The following PARVA variants were observed in gnomAD, a reference collection of about 807,000 sequenced individuals.
The protein encoded by PARVA is alpha-parvin.
Under a neutral mutation model 52.6 loss-of-function variants are expected in PARVA, and 25 were observed. That is an observed-to-expected ratio of 0.48 (90% CI 0.35 to 0.66). PARVA has a LOEUF of 0.66. PARVA is among the 30% of genes least tolerant of loss of function. The pLI, the probability that PARVA is intolerant of heterozygous loss-of-function variation, is 0.01. For missense variants in PARVA, 373 were observed against 450.9 expected (o/e 0.83, Z 1.56); for synonymous variants, 185 against 179.1 (o/e 1.03, Z -0.26).
chr11:12,525,293 A>G (rs998175195), intron 12 of PARVA, among the ~76,000 whole-genome samples: 4 of 152,168 alleles, frequency 2.6e-5, no homozygotes, highest in Non-Finnish European at 5.9e-5. Flanking sequence ...AGTCCATGAC[A>G]GTGGTGCCCT....
chr11:12,446,465 C>T (rs555619935), intron 1 of PARVA, among the ~76,000 whole-genome samples: 1 of 152,196 alleles, frequency 6.6e-6, no homozygotes, highest in East Asian at 1.9e-4. Flanking sequence ...CAAATCAGTC[C>T]TCCACTCTGA....
chr11:12,436,369 G>A (rs1414937495), intron 1 of PARVA, among the ~76,000 whole-genome samples: 2 of 152,072 alleles, frequency 1.3e-5, no homozygotes, highest in East Asian at 1.9e-4. Context: ...CTCAGACTAC[G>A]GAAACTACAC....
chr11:12,420,849 C>G (rs1334230931), intron 1 of PARVA, among the ~76,000 whole-genome samples: 2 of 152,062 alleles, frequency 1.3e-5, no homozygotes, highest in African/African-American at 4.8e-5. Context: ...TAGTAAATGG[C>G]ATAACTAGCA....
chr11:12,507,684 T>C (rs1218808844), intron 6 of PARVA, among the ~76,000 whole-genome samples: 1 of 152,190 alleles, frequency 6.6e-6, no homozygotes, highest in East Asian at 1.9e-4. Context: ...CATTCAGCAC[T>C]TTCTGCCGAG....
intron 4 of PARVA, among the ~76,000 whole-genome samples, chr11:12,493,290 A>T (rs1941255040): frequency 6.6e-6 from 1 of 151,406 alleles, no homozygotes; most frequent in Admixed American, 6.6e-5. Flanking sequence ...CGGGAGGCAG[A>T]GGTTGCAGTA....
intron 1 of PARVA, among the ~76,000 whole-genome samples, chr11:12,430,885 C>CCACAACAACAAAGAGACA (rs1940306966): frequency 6.6e-6 from 1 of 152,176 alleles, no homozygotes; most frequent in East Asian, 1.9e-4. Context: ...CTCAACCATG[C>CCACAACAACAAAGAGACA]CACAACAACA....
intron 10 of PARVA, 148 bp downstream of exon 10, chr11:12,514,213 GTC>G (rs1336643842): frequency 1.3e-5 from 8 of 621,744 alleles, no homozygotes; most frequent in African/African-American, 1.1e-4. Flanking sequence ...GGTGGACTGA[GTC>G]TCTGTGGATT....
At chr11:12,463,105 T>A (rs1259234962) in intron 1 of PARVA, among the ~76,000 whole-genome samples, 3 of 152,162 alleles carry the variant, frequency 2.0e-5, no homozygotes, top group Non-Finnish European at 4.4e-5. Context: ...AGTTTTCGTA[T>A]ATCCCACGCC....
chr11:12,474,042 C>A, intron 3 of PARVA, 59 bp downstream of exon 3: 1 of 1,341,896 alleles, frequency 7.5e-7, no homozygotes, highest in Non-Finnish European at 1.0e-6. Context: ...TGTCCATATG[C>A]CACCTGCTCT....
At chr11:12,416,025 G>C (rs1250187533) in intron 1 of PARVA, among the ~76,000 whole-genome samples, 1 of 152,294 alleles carries the variant, frequency 6.6e-6, no homozygotes, top group Non-Finnish European at 1.5e-5. Flanking sequence ...ACCTCCATTT[G>C]TTTTCCCTTT....
chr11:12,476,196 T>C (rs1166694029), intron 3 of PARVA, among the ~76,000 whole-genome samples: 1 of 152,138 alleles, frequency 6.6e-6, no homozygotes, highest in African/African-American at 2.4e-5. Flanking sequence ...GGATTGGAGA[T>C]GCACATAGGC....
At chr11:12,474,951 C>CAAAA (rs373253926) in intron 3 of PARVA, among the ~76,000 whole-genome samples, 1 of 126,844 alleles carries the variant, frequency 7.9e-6, no homozygotes, top group African/African-American at 2.9e-5. Flanking sequence ...GACCCTGTCT[C>CAAAA]AAAAAAAAAA....
At chr11:12,513,196 T>TTGACCTTG in intron 8 of PARVA, 103 bp from the exon 9 acceptor site, 1 of 902,952 alleles carries the variant, frequency 1.1e-6, no homozygotes, top group East Asian at 2.4e-5. Context: ...CCATCGGTAG[T>TTGACCTTG]TGACCTTGTG....
chr11:12,377,826 G>A, intron 1 of PARVA, 43 bp downstream of exon 1: 3 of 1,433,490 alleles, frequency 2.1e-6, no homozygotes, highest in South Asian at 1.4e-5. Context: ...AGGAGCCGGG[G>A]GTGCCGTAGG....
In PARVA at chr11:12,526,656, C is replaced by T. The variant is rs184593090; in HGVS notation, c.1043-1193C>T. 2.0e-5 allele frequency among the ~76,000 whole-genome samples: 3 copies of T among 152,286 alleles called. No individual in the cohort carries two copies. The East Asian group carries it at 5.8e-4, about 29-fold the overall frequency. On this transcript the variant is annotated intron_variant, in intron 12 of 12. Coordinates refer to ENST00000334956, the MANE Select transcript of PARVA (RefSeq NM_018222.5). Reference sequence around the variant, plus strand: ...TTTTGAACATAACCTCTCCCTTCTCCCTAAAGGTAACCACTATTCTGAGTC... The same window carrying T: ...TTTTGAACATAACCTCTCCCTTCTCTCTAAAGGTAACCACTATTCTGAGTC...
At chr11:12,513,792 T>C (rs985413562) in intron 9 of PARVA, 36 of 602,392 alleles carry the variant, frequency 6.0e-5, no homozygotes, top group Non-Finnish European at 9.5e-5. Flanking sequence ...CGCCCTGAGT[T>C]GTATGGGACT....
Position 12,377,738 on chromosome 11 carries a change from G to A in PARVA, c.91G>A (p.Gly31Arg), listed in dbSNP as rs1939417706. The A allele has an allele frequency of 1.3e-6, 2 of 1,556,628 alleles. No homozygotes were observed. The highest frequency in any genetic ancestry group is 1.7e-6 in the Non-Finnish European group (2 of 1,156,660). The change falls in exon 1 of 13, where the codon GGG (glycine) becomes AGG (arginine). Residue 31 changes from glycine (G) to arginine (R), a missense_variant. Transcript: ENST00000334956. ...CCGCAAGAAAGATGATTCCTTCTTG[G>A]GGAAACTCGGAGGGACCCTGGCCCG... The part of the protein sequence containing the change: ...PSRKKDDSFL[G>R]KLGGTLARRK...
At chr11:12,397,750 C>T (rs553965396) in intron 1 of PARVA, among the ~76,000 whole-genome samples, 2 of 151,880 alleles carry the variant, frequency 1.3e-5, no homozygotes, top group Admixed American at 6.6e-5. Flanking sequence ...GATCTCAAGG[C>T]GAAATCCTGT....
chr11:12,487,596 T>C (rs928643373), intron 4 of PARVA, among the ~76,000 whole-genome samples: 3 of 152,214 alleles, frequency 2.0e-5, no homozygotes, highest in Admixed American at 2.0e-4. Context: ...TCATACCAGA[T>C]AGTTCTGCTG....
Sources: allele counts gnomAD v4.1 joint callset (sites outside exome capture counted in the v4.1 genomes callset), GRCh38; gene constraint gnomAD v4.1.1; transcripts MANE v1.5; gene names NCBI Gene and HGNC (gene_info 2026-07-23, HGNC 2026-07-21).